The following EIF2AK1 variants were observed in gnomAD, a reference collection of about 807,000 sequenced individuals.
EIF2AK1 encodes the protein eukaryotic translation initiation factor 2 alpha kinase 1, also known as eukaryotic translation initiation factor 2-alpha kinase 1.
In EIF2AK1, 54 loss-of-function variants were observed where a neutral mutation model predicts 77.9. The ratio of observed to expected loss-of-function variants is 0.69; its 90% confidence interval spans 0.56 to 0.87. The LOEUF is 0.87. Among genes scored for constraint, EIF2AK1 ranks in the 40% least tolerant of loss-of-function variants. The pLI, the probability that EIF2AK1 is intolerant of heterozygous loss-of-function variation, is 0.00. For missense variants in EIF2AK1, 810 were observed against 768.6 expected, an observed-to-expected ratio of 1.05 and a Z score of -0.64; for synonymous variants, 314 against 290.5, an observed-to-expected ratio of 1.08 and a Z score of -0.82.
At chr7:6,050,637 C>G (rs1788582953) in intron 2 of EIF2AK1, among the ~76,000 whole-genome samples, 2 of 142,942 alleles carry the variant, frequency 1.4e-5, no homozygotes, top group South Asian at 4.4e-4. Flanking sequence ...GAGTCTCACT[C>G]TGTCACGCAG....
rs1787559570 is a variant in EIF2AK1, at chr7:6,023,195, C to T, written c.*1478G>A. On this transcript the variant is annotated 3_prime_UTR_variant, in exon 15 of 15. Transcript: ENST00000199389. ...GATGTTCTTCTTGAAAACACCCTTT[C>T]CCATGTCATCAGTCTGTGGTGTTTG... 1.5e-6 allele frequency: 2 copies of T among 1,298,528 alleles called. No individual in the cohort carries two copies. Among genetic ancestry groups the T allele is most frequent in the African/African-American group, 1.5e-5 (1 of 67,510 alleles). 80.4% of individuals were successfully genotyped at this position (1,298,528 alleles called of 1,614,324 possible).
chr7:6,052,132 A>G (rs1267918230), intron 2 of EIF2AK1, among the ~76,000 whole-genome samples: 1 of 146,352 alleles, frequency 6.8e-6, no homozygotes, highest in East Asian at 2.0e-4. Context: ...AGATCGCACT[A>G]CCGCACTCCA....
In EIF2AK1 at chr7:6,029,025, T is replaced by C. The variant is rs1417347708; in HGVS notation, c.1340A>G (p.Asn447Ser). 1.2e-6 allele frequency: 2 copies of C among 1,609,530 alleles called. No homozygotes were observed. Among genetic ancestry groups the C allele is most frequent in the African/African-American group, 1.3e-5 (1 of 74,646 alleles). Residue 447 changes from asparagine (N) to serine (S), a missense_variant, in exon 12 of 15, where the codon AAT becomes AGT. Physicochemically the swap from Asn to Ser is conservative, Grantham distance 46. Transcript: ENST00000199389. ...GIVHRDLKPR[N>S]IFLHGPDQQV... ...CTGATCAGGGCCATGAAGAAAAATA[T>C]TTCTTGGCTATCAACAAACAAAACA...
intron 1 of EIF2AK1, chr7:6,058,310 G>A (rs542567178): frequency 3.8e-5 from 14 of 368,930 alleles, no homozygotes; most frequent in South Asian, 2.9e-4. Flanking sequence ...CCAGCTACTC[G>A]GGAGGCTAAG....
intron 4 of EIF2AK1, among the ~76,000 whole-genome samples, chr7:6,048,371 T>C (rs547889353): frequency 5.3e-5 from 8 of 152,314 alleles, no homozygotes; most frequent in African/African-American, 1.9e-4. Flanking sequence ...ACTTAGGATG[T>C]TTTCAAGATT....
chr7:6,041,782 A>G (rs1341239397), intron 8 of EIF2AK1, among the ~76,000 whole-genome samples: 1 of 150,994 alleles, frequency 6.6e-6, no homozygotes, highest in African/African-American at 2.4e-5. Context: ...AAGAGGTTAC[A>G]GTAAGCCAAG....
At chr7:6,054,227 GAC>G (rs762471682) in intron 2 of EIF2AK1, among the ~76,000 whole-genome samples, 8 of 130,494 alleles carry the variant, frequency 6.1e-5, no homozygotes, top group African/African-American at 1.2e-4. Flanking sequence ...TTATTTTTGA[GAC>G]AGTCTCACTC....
At chr7:6,045,750 T>TATATATATATATATATATATAA in intron 6 of EIF2AK1, among the ~76,000 whole-genome samples, 1 of 148,412 alleles carries the variant, frequency 6.7e-6, no homozygotes, top group East Asian at 2.0e-4. Flanking sequence ...TATATATATA[T>TATATATATATATATATATATAA]ATAAATTAGC....
chr7:6,041,369 T>C, intron 8 of EIF2AK1, 150 bp from the exon 9 acceptor site: 1 of 800,212 alleles, frequency 1.2e-6, no homozygotes, highest in Non-Finnish European at 1.9e-6. Flanking sequence ...TAAAACCCCA[T>C]CTCAACTAAA....
Position 6,024,632 on chromosome 7 carries a change from A to T in EIF2AK1, c.*41T>A, listed in dbSNP as rs1787684953. 2 of 1,612,602 alleles carry T rather than the reference A, an allele frequency of 1.2e-6. No homozygotes were observed. The highest frequency in any genetic ancestry group is 1.7e-5 in the Admixed American group (1 of 59,678). On this transcript the variant is annotated 3_prime_UTR_variant, in exon 15 of 15. Coordinates refer to ENST00000199389, the MANE Select transcript of EIF2AK1 (RefSeq NM_014413.4). ...AACTATACCCTAATAAAGATTAAAA[A>T]TTTACATTCCAGTTAACTACCTTAA... is the stretch of plus-strand genomic sequence containing the variant.
intron 4 of EIF2AK1, among the ~76,000 whole-genome samples, chr7:6,047,459 G>C (rs1309731995): frequency 6.6e-6 from 1 of 152,098 alleles, no homozygotes; most frequent in Non-Finnish European, 1.5e-5. Context: ...CAGATCATGA[G>C]GTCAGGAGTT....
Position 6,038,533 on chromosome 7 carries a change from G to A in EIF2AK1, c.1231+27C>T, listed in dbSNP as rs760190709. On this transcript the variant is annotated intron_variant, in intron 10 of 14. Coordinates refer to ENST00000199389, the MANE Select transcript of EIF2AK1 (RefSeq NM_014413.4). Reference sequence around the variant, plus strand: ...GAAGGTGTGACTGTGTCTATTTCCCGGCCCGGCAGACCCAGATGGTACTCA... The same window carrying A: ...GAAGGTGTGACTGTGTCTATTTCCCAGCCCGGCAGACCCAGATGGTACTCA... 5.3e-5 allele frequency: 84 copies of A among 1,579,264 alleles called. No individual in the cohort carries two copies. The South Asian group carries it at 5.9e-4, about 11-fold the overall frequency.
intron 1 of EIF2AK1, among the ~76,000 whole-genome samples, chr7:6,056,435 A>C (rs1788763350): frequency 6.7e-6 from 1 of 149,998 alleles, no homozygotes; most frequent in African/African-American, 2.5e-5. Flanking sequence ...TCTACCAAAA[A>C]TACAAGAAAT....
intron 6 of EIF2AK1, among the ~76,000 whole-genome samples, chr7:6,045,775 G>A (rs1164271163): frequency 7.0e-6 from 1 of 142,878 alleles, no homozygotes; most frequent in Non-Finnish European, 1.5e-5. Flanking sequence ...CATGGTGGCA[G>A]ATGCCTGTAA....
In EIF2AK1 at chr7:6,026,308, G is replaced by A. The variant is rs558134529; in HGVS notation, c.1764+420C>T. The A allele has an allele frequency of 1.8e-5, 7 of 387,338 alleles. No individual in the cohort carries two copies. The East Asian group carries it at 4.3e-4, about 24-fold the overall frequency. 24.0% of individuals were successfully genotyped at this position (387,338 alleles called of 1,614,324 possible). ...TACAGACAGCCCAGAACAGCAGGCA[G>A]GTGGTGAAGGGTCAGAGTTTGACCT... is the stretch of plus-strand genomic sequence containing the variant. On this transcript the variant is annotated intron_variant, in intron 14 of 14. Coordinates refer to ENST00000199389, the MANE Select transcript of EIF2AK1 (RefSeq NM_014413.4).
rs1424086809 is a variant in EIF2AK1 at position 6,032,881 on chromosome 7, C to T, written c.1333-3849G>A. On this transcript the variant is annotated intron_variant, in intron 11 of 14. Transcript: ENST00000199389. This position sits in a 1 kb window ranked among gnomAD's most constrained non-coding sequence, Gnocchi z 4.3. ...CCCCATCCATCTGGCTGCCAAGTACCACAAGGCCCAGAGTCTGCTCTGCCT... is the reference window on the plus strand; with the variant it reads ...CCCCATCCATCTGGCTGCCAAGTACTACAAGGCCCAGAGTCTGCTCTGCCT... 10 of 1,550,956 alleles carry T rather than the reference C, an allele frequency of 6.4e-6. No homozygotes were observed. The highest frequency in any genetic ancestry group is 8.7e-6 in the Non-Finnish European group (10 of 1,147,068).
chr7:6,046,386 G>A, intron 5 of EIF2AK1: 1 of 277,270 alleles, frequency 3.6e-6, no homozygotes, highest in Non-Finnish European at 6.7e-6. Flanking sequence ...TTAGCAAAAG[G>A]TGTATGTTAG....
At chr7:6,038,519 T>G in intron 10 of EIF2AK1, 41 bp downstream of exon 10, 1 of 1,508,962 alleles carries the variant, frequency 6.6e-7, no homozygotes, top group Non-Finnish European at 9.1e-7. Context: ...AAGGTGTGAC[T>G]GTGTCTATTT....
intron 2 of EIF2AK1, among the ~76,000 whole-genome samples, chr7:6,052,730 G>A (rs1335415044): frequency 6.6e-6 from 1 of 151,118 alleles, no homozygotes; most frequent in Non-Finnish European, 1.5e-5. Flanking sequence ...GCACACTGAA[G>A]GCCGAGGCGG....
Sources: allele counts gnomAD v4.1 joint callset (sites outside exome capture counted in the v4.1 genomes callset), GRCh38; gene constraint gnomAD v4.1.1; non-coding constraint Gnocchi (gnomAD v3.1); transcripts MANE v1.5; gene names NCBI Gene and HGNC (gene_info 2026-07-23, HGNC 2026-07-21).